The following CELF1 variants were observed in gnomAD, a reference collection of about 807,000 sequenced individuals.
CELF1 encodes 50 kDa nuclear polyadenylated RNA-binding protein.
A neutral mutation model predicts 61.8 loss-of-function variants in CELF1; 10 were observed. The observed-to-expected ratio is 0.16, with a 90% CI of 0.10 to 0.27. The LOEUF (loss-of-function observed/expected upper bound fraction) is 0.27, where lower values mean the gene tolerates loss of function less well. Among genes scored for constraint, CELF1 ranks in the 10% least tolerant of loss-of-function variants. The probability of loss-of-function intolerance (pLI) is 1.00; values close to 1 mark genes in which losing one functional copy is unlikely to be tolerated. For missense variants in CELF1, 380 were observed against 639.1 expected (o/e 0.59, Z 4.37); for synonymous variants, 236 against 225.1 (o/e 1.05, Z -0.43).
chr11:47,504,253 G>T (rs533028818), intron 1 of CELF1, among the ~76,000 whole-genome samples: 6 of 152,154 alleles, frequency 3.9e-5, no homozygotes, highest in Admixed American at 3.9e-4. Flanking sequence ...TCTGAATGGT[G>T]GGGGAGGGGG....
At chr11:47,511,399 A>G (rs1336716932) in intron 1 of CELF1, among the ~76,000 whole-genome samples, 1 of 36,534 alleles carries the variant, frequency 2.7e-5, no homozygotes, top group Non-Finnish European at 6.0e-5. Flanking sequence ...CAAACAATAG[A>G]TAATTCATCA....
chr11:47,473,259 T>TA lies in CELF1; in HGVS notation c.1274-29dup. 1.9e-6 allele frequency: 3 copies of TA among 1,607,024 alleles called. No homozygotes were observed. The South Asian group carries it at 3.3e-5, about 18-fold the overall frequency. On this transcript the variant is annotated intron_variant, in intron 13 of 14. Transcript: ENST00000687097. ...TCAAAATACCCAGGAATTGGAAAAG[T>TA]ATCAGTGTCAAACATGCTCGTCGCC...
chr11:47,476,320 T>C (rs2080117638), intron 12 of CELF1, among the ~76,000 whole-genome samples: 1 of 152,148 alleles, frequency 6.6e-6, no homozygotes, highest in Non-Finnish European at 1.5e-5. Flanking sequence ...TCCTTCAAAG[T>C]ATTCTATTAT....
intron 1 of CELF1, among the ~76,000 whole-genome samples, chr11:47,501,347 C>A (rs977754532): frequency 6.6e-6 from 1 of 152,204 alleles, no homozygotes; most frequent in African/African-American, 2.4e-5. Flanking sequence ...CTAGCTGGGG[C>A]TGGTTAGATT....
intron 1 of CELF1, among the ~76,000 whole-genome samples, chr11:47,539,068 T>C (rs2096709608): frequency 6.6e-6 from 1 of 152,112 alleles, no homozygotes; most frequent in Non-Finnish European, 1.5e-5. Context: ...CAAACGCCAC[T>C]TAACTAGAAA....
chr11:47,553,126 A>G lies in CELF1; in HGVS notation c.-288T>C, dbSNP rs1341227973. ...CCGCCGCTGCCGCTGCCGCCAGAGC[A>G]GAACACCCCAAAATGGCGGCACTTC... On this transcript the variant is annotated 5_prime_UTR_variant, in exon 1 of 15. Coordinates refer to ENST00000687097, the MANE Select transcript of CELF1 (RefSeq NM_001376376.1). 19 of 396,640 alleles carry G rather than the reference A, an allele frequency of 4.8e-5. No homozygotes were observed. Among genetic ancestry groups the G allele is most frequent in the African/African-American group, 8.3e-5 (4 of 48,454 alleles). The allele number at this position is 396,640 out of a possible 1,614,324, so 24.6% of individuals were successfully genotyped here. A position where few individuals can be genotyped will look rare whatever the true frequency, so the allele number is the denominator to read the frequency against.
intron 1 of CELF1, among the ~76,000 whole-genome samples, chr11:47,527,047 G>T (rs1303058217): frequency 6.9e-6 from 1 of 144,752 alleles, no homozygotes; most frequent in Non-Finnish European, 1.5e-5. Flanking sequence ...GCAAAACTCC[G>T]TCTAAAAAAA....
intron 1 of CELF1, among the ~76,000 whole-genome samples, chr11:47,551,880 T>A (rs1473833764): frequency 6.6e-6 from 1 of 151,978 alleles, no homozygotes; most frequent in Non-Finnish European, 1.5e-5. Context: ...TAGCCAGGCC[T>A]GGTGGCACAT....
chr11:47,478,076 T>C (rs907245770), intron 10 of CELF1, among the ~76,000 whole-genome samples: 9 of 149,756 alleles, frequency 6.0e-5, no homozygotes, highest in Non-Finnish European at 1.3e-4. Flanking sequence ...GAAAGATGGA[T>C]GGGGTGAGGG....
At chr11:47,521,874 G>C (rs2095915415) in intron 1 of CELF1, among the ~76,000 whole-genome samples, 1 of 151,834 alleles carries the variant, frequency 6.6e-6, no homozygotes, top group Non-Finnish European at 1.5e-5. Context: ...TAGAAACATA[G>C]TGTGTAGTTT....
chr11:47,483,490 G>A lies in CELF1; in HGVS notation c.569C>T (p.Thr190Met), dbSNP rs771532610. ...TGCTTGGTGCATTGCCTTGATAGCCGTCTGTGCCATGGCTCTTGTTGTAAA... is the reference window on the plus strand; with the variant it reads ...TGCTTGGTGCATTGCCTTGATAGCCATCTGTGCCATGGCTCTTGTTGTAAA... ...VTFTTRAMAQ[T>M]AIKAMHQAQT... The change falls in exon 8 of 15, where the codon ACG (threonine) becomes ATG (methionine). Residue 190 changes from threonine (T) to methionine (M), a missense_variant. Thr to Met is a moderately conservative substitution (Grantham distance 81). Transcript: ENST00000687097. 8 of 1,613,906 alleles carry A rather than the reference G, an allele frequency of 5.0e-6. No homozygotes were observed. In the Admixed American group the frequency reaches 5.0e-5, roughly 10 times the overall value.
At position 47,472,028 on chromosome 11, in the gene CELF1, A is replaced by C. The variant is rs1342178479; in HGVS notation, c.*202T>G. 1.8e-6 allele frequency: 1 copy of C among 563,802 alleles called. No homozygotes were observed. Among genetic ancestry groups the C allele is most frequent in the Non-Finnish European group, 3.1e-6 (1 of 322,128 alleles). 34.9% of individuals were successfully genotyped at this position (563,802 alleles called of 1,614,324 possible). ...CTCCAAAGTAAAACACTGGAAACCA[A>C]AGCACAAACTTGTCCTCTGTACGAA... On this transcript the variant is annotated 3_prime_UTR_variant, in exon 15 of 15. Coordinates refer to ENST00000687097, the MANE Select transcript of CELF1 (RefSeq NM_001376376.1).
rs779501534 is a variant in CELF1 at position 47,484,404 on chromosome 11, C to A, written c.511G>T (p.Asp171Tyr). Residue 171 changes from aspartate (D) to tyrosine (Y), a missense_variant, in exon 7 of 15, where the codon GAT (aspartate) becomes TAT (tyrosine). Coordinates refer to ENST00000687097, the MANE Select transcript of CELF1 (RefSeq NM_001376376.1). ...IEECRILRGP[D>Y]GLSRGCAFVT... ...AACTACCTACCTCGGCTCAGGCCAT[C>A]AGGTCCCCGCAATATCCGGCATTCT... 6.2e-7 allele frequency: 1 copy of A among 1,612,858 alleles called. No homozygotes were observed. The highest frequency in any genetic ancestry group is 1.7e-5 in the Admixed American group (1 of 59,634).
At chr11:47,525,757 G>A (rs1267043175) in intron 1 of CELF1, among the ~76,000 whole-genome samples, 1 of 152,198 alleles carries the variant, frequency 6.6e-6, no homozygotes, top group Admixed American at 6.5e-5. Context: ...ACTAAAGCGT[G>A]GGGTACAAAC....
rs1277310686 is a variant in CELF1, at chr11:47,552,879, G to T, written c.-154+113C>A. The stretch of plus-strand genomic sequence containing the variant: ...GGAACGAGAAAAGGCCGCGCCCGGA[G>T]GGCCCTGTGACCCGCGGCCTCCCTA... On this transcript the variant is annotated intron_variant, in intron 1 of 14. Transcript: ENST00000687097. The T allele has an allele frequency of 4.0e-5, 16 of 395,714 alleles. 1 individual carries two copies. The Admixed American group carries it at 6.6e-4, about 16-fold the overall frequency. The allele number at this position is 395,714 out of a possible 1,614,324, so 24.5% of individuals were successfully genotyped here. A position where few individuals can be genotyped will look rare whatever the true frequency, so the allele number is the denominator to read the frequency against.
At chr11:47,499,764 G>C in intron 2 of CELF1, 160 bp from the exon 3 acceptor site, 1 of 498,558 alleles carries the variant, frequency 2.0e-6, no homozygotes, top group Non-Finnish European at 3.6e-6. Flanking sequence ...AGCACACAAT[G>C]AAAGTGCTGA....
intron 1 of CELF1, among the ~76,000 whole-genome samples, chr11:47,541,754 G>GAC (rs2096797657): frequency 9.0e-5 from 1 of 11,134 alleles, no homozygotes; most frequent in African/African-American, 1.8e-4. Flanking sequence ...AAGAAAGAAA[G>GAC]AACGAAAGAA....
At chr11:47,537,795 G>A (rs2096666541) in intron 1 of CELF1, among the ~76,000 whole-genome samples, 1 of 152,068 alleles carries the variant, frequency 6.6e-6, no homozygotes, top group Non-Finnish European at 1.5e-5. Flanking sequence ...TCTACTTTAT[G>A]CAAGGCCCCA....
intron 1 of CELF1, among the ~76,000 whole-genome samples, chr11:47,510,603 C>CG (rs2095051423): frequency 6.6e-6 from 1 of 152,084 alleles, no homozygotes; most frequent in Admixed American, 6.6e-5. Flanking sequence ...CCTCCCACCA[C>CG]GGCTTCCCAA....
Sources: gnomAD v4.1 joint callset for allele counts (sites outside exome capture counted in the v4.1 genomes callset) on GRCh38, gnomAD v4.1.1 for gene constraint, MANE v1.5 for transcripts, NCBI Gene and HGNC (gene_info 2026-07-23, HGNC 2026-07-21) for gene names.